Variants in PITPNM2 observed in about 807,000 individuals in gnomAD.
The protein encoded by PITPNM2 is membrane-associated phosphatidylinositol transfer protein 2.
A neutral mutation model predicts 132.2 loss-of-function variants in PITPNM2; 35 were observed. The ratio of observed to expected loss-of-function variants is 0.26; its 90% CI spans 0.20 to 0.35. PITPNM2 has a LOEUF of 0.35. Among genes scored for constraint, PITPNM2 ranks in the 10% least tolerant of loss-of-function variants. PITPNM2 has a pLI of 1.00. For missense variants in PITPNM2, 1,332 were observed against 1,912.0 expected (o/e 0.70, Z 5.66); for synonymous variants, 738 against 799.2 (o/e 0.92, Z 1.29).
intron 1 of PITPNM2, among the ~76,000 whole-genome samples, chr12:123,121,828 G>T (rs2043038392): frequency 6.6e-6 from 1 of 151,198 alleles, no homozygotes; most frequent in Non-Finnish European, 1.5e-5. Flanking sequence ...TACAGGCTTG[G>T]ACTACCATGC....
chr12:123,145,989 G>A (rs907402886), intron 1 of PITPNM2, among the ~76,000 whole-genome samples: 1 of 152,124 alleles, frequency 6.6e-6, no homozygotes, highest in African/African-American at 2.4e-5. Context: ...AAAAGAATGA[G>A]ATCATGTCCT....
chr12:123,043,217 T>C (rs747551669), intron 2 of PITPNM2, among the ~76,000 whole-genome samples: 1 of 151,948 alleles, frequency 6.6e-6, no homozygotes, highest in Non-Finnish European at 1.5e-5. Context: ...GAGAGCTGGG[T>C]TGGGAACCAG....
At chr12:123,015,064 T>C (rs1471432303) in intron 3 of PITPNM2, among the ~76,000 whole-genome samples, 1 of 152,194 alleles carries the variant, frequency 6.6e-6, no homozygotes, top group Non-Finnish European at 1.5e-5. Flanking sequence ...AGACATCCCG[T>C]GTTGATGGAT....
At chr12:123,055,899 C>T (rs1004437142) in intron 2 of PITPNM2, among the ~76,000 whole-genome samples, 2 of 152,084 alleles carry the variant, frequency 1.3e-5, no homozygotes, top group Non-Finnish European at 2.9e-5. Context: ...AAGACACACA[C>T]ACACACACAC....
intron 3 of PITPNM2, chr12:123,021,721 G>C (rs2039678296): frequency 1.0e-6 from 1 of 984,670 alleles, no homozygotes; most frequent in African/African-American, 1.7e-5. Context: ...CTCTCAGGGA[G>C]GTGGCAGAAC....
At position 122,987,604 on chromosome 12, in the gene PITPNM2, G is replaced by A; in HGVS notation, c.3170C>T (p.Thr1057Met). The change falls in exon 22 of 26, where the codon ACG becomes ATG. Residue 1057 changes from threonine to methionine, a missense_variant. Physicochemically the swap from Thr to Met is moderately conservative, Grantham distance 81. Transcript: ENST00000320201. ...ACGCCCACTGTTGTTGGTCACCAGC[G>A]TATCCAGGTAGAGCCACTCGCCTGA... Reference protein sequence around the residue: ...PPSGEWLYLDTLVTNNSGRVS... With the variant: ...PPSGEWLYLDMLVTNNSGRVS... 6.2e-7 allele frequency: 1 copy of A among 1,613,922 alleles called. No homozygotes were observed. The highest frequency in any genetic ancestry group is 8.5e-7 in the Non-Finnish European group (1 of 1,180,006).
intron 13 of PITPNM2, among the ~76,000 whole-genome samples, chr12:122,996,036 G>C (rs2038413504): frequency 6.6e-6 from 1 of 152,186 alleles, no homozygotes; most frequent in Admixed American, 6.5e-5. Flanking sequence ...TACCTGCCCT[G>C]CCGCCTCTGG....
At chr12:123,007,746 C>A (rs939832055) in intron 6 of PITPNM2, among the ~76,000 whole-genome samples, 2 of 152,292 alleles carry the variant, frequency 1.3e-5, no homozygotes, top group African/African-American at 4.8e-5. Flanking sequence ...GGAAGGGCCG[C>A]ATCCCTTGCT....
At chr12:122,990,282 G>A (rs1046336128) in intron 17 of PITPNM2, among the ~76,000 whole-genome samples, 3 of 152,250 alleles carry the variant, frequency 2.0e-5, no homozygotes, top group Non-Finnish European at 2.9e-5. Context: ...TTACTAATGC[G>A]CCTTCTTCCA....
At chr12:123,143,409 G>A (rs949802474) in intron 1 of PITPNM2, among the ~76,000 whole-genome samples, 1 of 152,174 alleles carries the variant, frequency 6.6e-6, no homozygotes, top group Non-Finnish European at 1.5e-5. Flanking sequence ...CCCTCCCCAG[G>A]AGCCACCTCT....
chr12:123,028,421 T>C (rs1408228491), intron 3 of PITPNM2, among the ~76,000 whole-genome samples: 2 of 152,198 alleles, frequency 1.3e-5, no homozygotes, highest in East Asian at 3.9e-4. Context: ...AACTAAGGTC[T>C]TCTTATTATT....
chr12:122,988,867 C>G lies in PITPNM2; in HGVS notation c.2737G>C (p.Ala913Pro), dbSNP rs1323951583. 1.3e-6 allele frequency: 2 copies of G among 1,561,052 alleles called. No homozygotes were observed. The highest frequency in any genetic ancestry group is 2.4e-5 in the South Asian group (2 of 84,812). Residue 913 changes from alanine to proline, a missense_variant, in exon 19 of 26, where the codon GCA (alanine) becomes CCA (proline). Physicochemically the swap from Ala to Pro is conservative, Grantham distance 27 (BLOSUM62 -1). Around this residue, in one of 6 missense-constraint regions of PITPNM2, gnomAD observed 710 missense variants for 911.5 expected, o/e 0.78. Coordinates refer to ENST00000320201, the MANE Select transcript of PITPNM2 (RefSeq NM_020845.3). ...LPELDIGEVAAKWWGQKRIDY... is the reference protein window; with the variant it reads ...LPELDIGEVAPKWWGQKRIDY... ...ATCCGCTTCTGGCCCCACCACTTTG[C>G]AGCGACTGCCAGGAGGGGCCGTGAC...
At chr12:122,989,428 G>A (rs1322636371) in intron 18 of PITPNM2, among the ~76,000 whole-genome samples, 2 of 152,176 alleles carry the variant, frequency 1.3e-5, no homozygotes, top group African/African-American at 2.4e-5. Context: ...GGGGCTGGGC[G>A]AGGACAACCT....
chr12:123,057,362 A>G (rs1353302903), intron 2 of PITPNM2, among the ~76,000 whole-genome samples: 3 of 151,258 alleles, frequency 2.0e-5, no homozygotes, highest in African/African-American at 7.3e-5. Flanking sequence ...CCTGGGCAAC[A>G]AGAGCAAAAC....
Position 122,986,252 on chromosome 12 carries a change from C to A in PITPNM2, c.3825G>T (p.Lys1275Asn). ...RNTATRMALR[K>N]GSFGLPGQGD... ...CCTGGCCGGGCAGGCCGAAGCTGCC[C>A]TTGCGCAGCGCCATGCGGGTGGCCG... The change falls in exon 26 of 26, where the codon AAG becomes AAT. Residue 1275 changes from lysine (K) to asparagine (N), a missense_variant. Transcript: ENST00000320201. 1 of 1,580,202 alleles carries A rather than the reference C, an allele frequency of 6.3e-7. No homozygotes were observed. Among genetic ancestry groups the A allele is most frequent in the East Asian group, 2.3e-5 (1 of 43,694 alleles).
chr12:123,015,611 T>G (rs2039394067), intron 3 of PITPNM2, among the ~76,000 whole-genome samples: 1 of 151,938 alleles, frequency 6.6e-6, no homozygotes, highest in Non-Finnish European at 1.5e-5. Context: ...AAATGGTAGT[T>G]TAAAAAAAGA....
rs1481534261 is a variant in PITPNM2 at position 122,986,064 on chromosome 12, C to T, written c.4013G>A (p.Gly1338Asp). ...CGCGGCTGCCCCCGGCTCCAGGCGG[C>T]CAGTCATGGCGCGGCCCCAGCAGCC... is the stretch of plus-strand genomic sequence containing the variant. ...AAGCWGRAMTGRLEPGAAAGP... is the reference protein window; with the variant it reads ...AAGCWGRAMTDRLEPGAAAGP... Residue 1338 changes from glycine (G) to aspartate (D), a missense_variant, in exon 26 of 26, where the codon GGC becomes GAC. Around this residue, in one of 6 missense-constraint regions of PITPNM2, gnomAD observed 163 missense variants for 177.2 expected, o/e 0.92. Coordinates refer to ENST00000320201, the MANE Select transcript of PITPNM2 (RefSeq NM_020845.3). 1 of 1,416,960 alleles carries T rather than the reference C, an allele frequency of 7.1e-7. No individual in the cohort carries two copies. The highest frequency in any genetic ancestry group is 1.5e-5 in the South Asian group (1 of 66,202). 87.8% of individuals were successfully genotyped at this position (1,416,960 alleles called of 1,614,324 possible).
chr12:123,099,986 GCA>G lies in PITPNM2; in HGVS notation c.-96+10397_-96+10398del, dbSNP rs1457884915. ...TCCATGCCCGGGGGAAGTAAGAATT[GCA>G]GGTGACACGCGCACAGCCTACTCCG... is the stretch of plus-strand genomic sequence containing the variant. On this transcript the variant is annotated intron_variant, in intron 2 of 25. Transcript: ENST00000320201. The surrounding 1 kb of genome is among the most constrained non-coding windows in gnomAD (Gnocchi z 4.2). Among the ~76,000 whole-genome samples the G allele has an allele frequency of 2.6e-5, 4 of 152,206 alleles. No individual in the cohort carries two copies. Among genetic ancestry groups the G allele is most frequent in the Non-Finnish European group, 5.9e-5 (4 of 68,042 alleles).
chr12:123,142,094 A>C (rs1323479664), intron 1 of PITPNM2, among the ~76,000 whole-genome samples: 1 of 152,182 alleles, frequency 6.6e-6, no homozygotes, highest in Non-Finnish European at 1.5e-5. Context: ...TGCACGACAA[A>C]TTGCACCGGT....
Sources: gnomAD v4.1 joint callset for allele counts (sites outside exome capture counted in the v4.1 genomes callset) on GRCh38, gnomAD v4.1.1 for gene constraint, gnomAD v4.1.1 regional missense constraint, Gnocchi (gnomAD v3.1) non-coding constraint, MANE v1.5 for transcripts, NCBI Gene and HGNC (gene_info 2026-07-23, HGNC 2026-07-21) for gene names.